The following NAP1L1 variants were observed in gnomAD, a reference collection of about 807,000 sequenced individuals.
The protein encoded by NAP1L1 is nucleosome assembly protein 1 like 1.
Under a neutral mutation model 58.9 loss-of-function variants are expected in NAP1L1, and 9 were observed. That is an observed-to-expected ratio of 0.15 (90% CI 0.09 to 0.27). NAP1L1 has a LOEUF of 0.27. Ranked by LOEUF, NAP1L1 falls within the 10% of genes least tolerant of loss-of-function variation. The pLI is 1.00. For missense variants in NAP1L1, 302 were observed against 458.8 expected, an observed-to-expected ratio of 0.66 and a Z score of 3.12; for synonymous variants, 130 against 138.3, an observed-to-expected ratio of 0.94 and a Z score of 0.42.
intron 1 of NAP1L1, among the ~76,000 whole-genome samples, chr12:76,078,356 C>T (rs1390518432): frequency 2.6e-5 from 4 of 152,110 alleles, no homozygotes; most frequent in Non-Finnish European, 5.9e-5. Context: ...AAGCTATGTA[C>T]TTAAAATGAT....
rs998095936 is a variant in NAP1L1, at chr12:76,056,312, C to A, written c.430-151G>T. 7.8e-5 allele frequency: 56 copies of A among 715,278 alleles called. No individual in the cohort carries two copies. The Admixed American group carries it at 1.7e-3, about 21-fold the overall frequency. The allele number at this position is 715,278 out of a possible 1,614,324, so 44.3% of individuals were successfully genotyped here. On this transcript the variant is annotated intron_variant, in intron 6 of 14. Coordinates refer to ENST00000618691, the MANE Select transcript of NAP1L1 (RefSeq NM_004537.7). ...AAACACCGCCGTTGCCCATAACAAA[C>A]CTTAATCCCATCAAAATTACTGCTA... is the stretch of plus-strand genomic sequence containing the variant.
intron 4 of NAP1L1, among the ~76,000 whole-genome samples, chr12:76,060,487 T>C (rs979069671): frequency 4.6e-5 from 7 of 152,240 alleles, no homozygotes; most frequent in Non-Finnish European, 1.0e-4. Context: ...ACTGGGTAAA[T>C]TGATAAACAA....
At chr12:76,053,965 T>G in intron 8 of NAP1L1, 56 bp from the exon 9 acceptor site, 1 of 1,513,572 alleles carries the variant, frequency 6.6e-7, no homozygotes. Flanking sequence ...ATTTCAGTAC[T>G]TTAGTAAACA....
At chr12:76,081,668 G>T (rs1361290558) in intron 1 of NAP1L1, among the ~76,000 whole-genome samples, 1 of 152,156 alleles carries the variant, frequency 6.6e-6, no homozygotes, top group African/African-American at 2.4e-5. Context: ...GAAGTAAAAG[G>T]CAGAGTTGGT....
rs1948590194 is a variant in NAP1L1, at chr12:76,045,330, C to T, written c.*3099G>A. 2 of 152,000 alleles carry T rather than the reference C, an allele frequency of 1.3e-5. No individual in the cohort carries two copies. Among genetic ancestry groups the T allele is most frequent in the Admixed American group, 6.5e-5 (1 of 15,276 alleles). 9.4% of individuals were successfully genotyped at this position (152,000 alleles called of 1,614,324 possible). On this transcript the variant is annotated 3_prime_UTR_variant, in exon 15 of 15. Coordinates refer to ENST00000618691, the MANE Select transcript of NAP1L1 (RefSeq NM_004537.7). ...AACCAATCCCTGAAACCAAAGCATT[C>T]AAATATTTGAATATTAGTTCAATAT...
In NAP1L1 at chr12:76,047,375, T is replaced by TA. The variant is rs147220462; in HGVS notation, c.*1053_*1054insT. On this transcript the variant is annotated 3_prime_UTR_variant, in exon 15 of 15. Coordinates refer to ENST00000618691, the MANE Select transcript of NAP1L1 (RefSeq NM_004537.7). The stretch of plus-strand genomic sequence containing the variant: ...GCTCTAACCCAAAGAAAATGAATTT[T>TA]TTTTTTTTTTTTTAAAAGAAAACAG... The TA allele has an allele frequency of 0.6, 85,201 of 142,980 alleles. 25,181 individuals are homozygous for TA. Among genetic ancestry groups the TA allele is most frequent in the East Asian group, 0.93 (4,707 of 5,060 alleles). The allele number at this position is 142,980 out of a possible 1,614,324, so 8.9% of individuals were successfully genotyped here. A position where few individuals can be genotyped will look rare whatever the true frequency, so the allele number is the denominator to read the frequency against.
In NAP1L1 at chr12:76,070,520, T is replaced by C. The variant is rs149223695; in HGVS notation, c.18-1526A>G. Among the ~76,000 whole-genome samples, 21 of 152,332 alleles carry C rather than the reference T, an allele frequency of 1.4e-4. No homozygotes were observed. The East Asian group carries it at 4.0e-3, about 29-fold the overall frequency. On this transcript the variant is annotated intron_variant, in intron 2 of 14. Transcript: ENST00000618691. ...GCATCTCCTCCTCTCGTGTCTTTAA[T>C]CAATTGAACATCTATATCCAAAGGC...
At chr12:76,053,589 TGA>T (rs1180519978) in intron 9 of NAP1L1, among the ~76,000 whole-genome samples, 179 bp downstream of exon 9, 1 of 152,208 alleles carries the variant, frequency 6.6e-6, no homozygotes, top group East Asian at 1.9e-4. Context: ...AAAATATATG[TGA>T]GACAGTCATG....
chr12:76,057,094 A>C (rs933388184), intron 6 of NAP1L1: 9 of 183,328 alleles, frequency 4.9e-5, no homozygotes, highest in Non-Finnish European at 1.0e-4. Context: ...TGAAGCCAGG[A>C]GTCTAAGACC....
chr12:76,048,722 C>A (rs1481527162), intron 14 of NAP1L1, among the ~76,000 whole-genome samples: 3 of 151,976 alleles, frequency 2.0e-5, no homozygotes, highest in African/African-American at 7.2e-5. Flanking sequence ...AGTTACCAAG[C>A]AATTTATGTT....
In NAP1L1 at chr12:76,042,456, A is replaced by G. The variant is rs1948559891; in HGVS notation, c.*5973T>C. ...TGTATTCTCACACATATCCATTAAAATTTGGTAGCAGAGACATTTGTTTAG... is the reference window on the plus strand; with the variant it reads ...TGTATTCTCACACATATCCATTAAAGTTTGGTAGCAGAGACATTTGTTTAG... On this transcript the variant is annotated 3_prime_UTR_variant, in exon 15 of 15. Coordinates refer to ENST00000618691, the MANE Select transcript of NAP1L1 (RefSeq NM_004537.7). The G allele has an allele frequency of 6.6e-6, 1 of 152,236 alleles. No individual in the cohort carries two copies. Among genetic ancestry groups the G allele is most frequent in the Non-Finnish European group, 1.5e-5 (1 of 68,048 alleles). 9.4% of individuals were successfully genotyped at this position (152,236 alleles called of 1,614,324 possible).
intron 14 of NAP1L1, 23 bp from the exon 15 acceptor site, chr12:76,048,487 C>G: frequency 6.2e-7 from 1 of 1,613,330 alleles, no homozygotes; most frequent in South Asian, 1.1e-5. Context: ...AACAACAAGT[C>G]AATCTATCTT....
In NAP1L1 at chr12:76,041,169, T is replaced by C. The variant is rs1483243450; in HGVS notation, c.*7260A>G. On this transcript the variant is annotated 3_prime_UTR_variant, in exon 15 of 15. Coordinates refer to ENST00000618691, the MANE Select transcript of NAP1L1 (RefSeq NM_004537.7). ...ACTACTGAGAATCAATCATTCGACT[T>C]GCTACACAGTCCCACACAGGATTAT... is the stretch of plus-strand genomic sequence containing the variant. 2.0e-5 allele frequency: 3 copies of C among 152,202 alleles called. No individual in the cohort carries two copies. The highest frequency in any genetic ancestry group is 4.4e-5 in the Non-Finnish European group (3 of 68,046). 9.4% of individuals were successfully genotyped at this position (152,202 alleles called of 1,614,324 possible).
chr12:76,062,987 T>C (rs1269704895), intron 4 of NAP1L1, among the ~76,000 whole-genome samples: 11 of 151,988 alleles, frequency 7.2e-5, no homozygotes, highest in Admixed American at 6.6e-4. Flanking sequence ...AAGAAAAAAA[T>C]AAATTGTAGT....
chr12:76,057,826 A>G (rs1451480717), intron 6 of NAP1L1: 2 of 1,541,698 alleles, frequency 1.3e-6, no homozygotes, highest in Admixed American at 2.0e-5. Context: ...GAAAAAACAG[A>G]AGAGAGGTGG....
At chr12:76,080,796 CACTG>C (rs1432744445) in intron 1 of NAP1L1, among the ~76,000 whole-genome samples, 2 of 152,192 alleles carry the variant, frequency 1.3e-5, no homozygotes, top group African/African-American at 4.8e-5. Context: ...TATGTGGCAG[CACTG>C]AGAGATGGGG....
Position 76,045,653 on chromosome 12 carries a change from C to G in NAP1L1, c.*2776G>C, listed in dbSNP as rs1948594297. 6.6e-6 allele frequency: 1 copy of G among 152,048 alleles called. No individual in the cohort carries two copies. Among genetic ancestry groups the G allele is most frequent in the Non-Finnish European group, 1.5e-5 (1 of 67,924 alleles). The allele number at this position is 152,048 out of a possible 1,614,324, so 9.4% of individuals were successfully genotyped here. On this transcript the variant is annotated 3_prime_UTR_variant, in exon 15 of 15. Coordinates refer to ENST00000618691, the MANE Select transcript of NAP1L1 (RefSeq NM_004537.7). Reference sequence around the variant, plus strand: ...TAAAATAGTGATGCTAATACTGCTTCAGTAAGCTAGATTTACTAATTTAAG... The same window carrying G: ...TAAAATAGTGATGCTAATACTGCTTGAGTAAGCTAGATTTACTAATTTAAG...
intron 1 of NAP1L1, among the ~76,000 whole-genome samples, chr12:76,081,821 T>C (rs1592713937): frequency 1.3e-5 from 2 of 152,210 alleles, no homozygotes; most frequent in African/African-American, 4.8e-5. Flanking sequence ...CCCAAAAACT[T>C]ATTTAGATGA....
At chr12:76,059,348 G>A (rs1247798797) in intron 6 of NAP1L1, among the ~76,000 whole-genome samples, 1 of 152,172 alleles carries the variant, frequency 6.6e-6, no homozygotes. Flanking sequence ...GATGCTAGAG[G>A]TTCTTATTCT....
Sources: gnomAD v4.1 joint callset for allele counts (sites outside exome capture counted in the v4.1 genomes callset) on GRCh38, gnomAD v4.1.1 for gene constraint, MANE v1.5 for transcripts, NCBI Gene and HGNC (gene_info 2026-07-23, HGNC 2026-07-21) for gene names.